Variants in FRMD3 observed in about 807,000 individuals in gnomAD.
FRMD3 encodes FERM domain containing 3, also known as FERM domain-containing protein 3.
A neutral mutation model predicts 70.2 loss-of-function variants in FRMD3; 33 were observed. The ratio of observed to expected loss-of-function variants is 0.47; its 90% CI spans 0.36 to 0.63. The LOEUF (loss-of-function observed/expected upper bound fraction) is 0.63. Among genes scored for constraint, FRMD3 ranks in the 20% least tolerant of loss-of-function variants. FRMD3 has a pLI of 0.00. For missense variants in FRMD3, 632 were observed against 711.4 expected, an observed-to-expected ratio of 0.89 and a Z score of 1.27; for synonymous variants, 279 against 255.9, an observed-to-expected ratio of 1.09 and a Z score of -0.86.
At chr9:83,579,562 G>A in the FRMD3 span, among the ~76,000 whole-genome samples, 1 of 151,954 alleles carries the variant, frequency 6.6e-6, no homozygotes, top group African/African-American at 2.4e-5. Flanking sequence ...AATGGTGCTG[G>A]GAAAACTAGA....
chr9:83,432,221 G>A (rs1827002254), intron 1 of FRMD3, among the ~76,000 whole-genome samples: 1 of 152,192 alleles, frequency 6.6e-6, no homozygotes, highest in Non-Finnish European at 1.5e-5. Flanking sequence ...CTTGTATGAT[G>A]ACAGGGAAGG....
At chr9:83,545,249 T>C in the FRMD3 span, among the ~76,000 whole-genome samples, 1 of 151,838 alleles carries the variant, frequency 6.6e-6, no homozygotes, top group Admixed American at 6.6e-5. Context: ...TTGAAAGCTT[T>C]AACAATAGAT....
intron 13 of FRMD3, among the ~76,000 whole-genome samples, chr9:83,272,676 G>A (rs2118823594): frequency 6.9e-6 from 1 of 145,050 alleles, no homozygotes; most frequent in East Asian, 2.1e-4. Context: ...CTGCCCGGCT[G>A]CCCAGTCTGG....
intron 1 of FRMD3, among the ~76,000 whole-genome samples, chr9:83,417,520 A>G (rs1826492024): frequency 6.6e-6 from 1 of 152,152 alleles, no homozygotes; most frequent in Non-Finnish European, 1.5e-5. Flanking sequence ...TGTTTCCTAT[A>G]TGGAAACAGT....
At chr9:83,463,298 AT>A (rs1828028006) in intron 1 of FRMD3, among the ~76,000 whole-genome samples, 1 of 152,228 alleles carries the variant, frequency 6.6e-6, no homozygotes, top group Non-Finnish European at 1.5e-5. Flanking sequence ...GTCTATTCTC[AT>A]GCTACTAATA....
chr9:83,275,493 C>G lies in FRMD3; in HGVS notation c.1195+15110G>C, dbSNP rs1214776189. Reference sequence around the variant, plus strand: ...AAGTCATTGCTCCAAGGCAGAAAGACCTCCTCCCCGACCTGCAGATGGGAC... The same window carrying G: ...AAGTCATTGCTCCAAGGCAGAAAGAGCTCCTCCCCGACCTGCAGATGGGAC... On this transcript the variant is annotated intron_variant, in intron 13 of 13. Transcript: ENST00000304195. Among the ~76,000 whole-genome samples the G allele has an allele frequency of 3.3e-5, 5 of 152,094 alleles. No homozygotes were observed. In the East Asian group the frequency reaches 9.6e-4, roughly 29 times the overall value.
At chr9:83,490,242 A>G (rs1445014800) in intron 1 of FRMD3, among the ~76,000 whole-genome samples, 4 of 152,176 alleles carry the variant, frequency 2.6e-5, no homozygotes, top group African/African-American at 9.7e-5. Flanking sequence ...GGAAAAACAA[A>G]CAGGCATTTT....
intron 1 of FRMD3, among the ~76,000 whole-genome samples, chr9:83,409,209 C>T (rs1826210464): frequency 6.6e-6 from 1 of 152,166 alleles, no homozygotes; most frequent in Non-Finnish European, 1.5e-5. Context: ...GTTAAAAGCA[C>T]ACAGTATCAA....
At chr9:83,304,587 T>C (rs1478712182) in intron 10 of FRMD3, among the ~76,000 whole-genome samples, 1 of 152,164 alleles carries the variant, frequency 6.6e-6, no homozygotes, top group African/African-American at 2.4e-5. Context: ...AAACTCTGAA[T>C]AAGAAATGTA....
intron 1 of FRMD3, among the ~76,000 whole-genome samples, chr9:83,440,709 T>A (rs1367782567): frequency 6.6e-6 from 1 of 152,236 alleles, no homozygotes; most frequent in Non-Finnish European, 1.5e-5. Context: ...GATTCCAATC[T>A]GAGCCTTGTG....
rs529490355 is a variant in FRMD3, at chr9:83,521,146, A to C, written c.147+16939T>G. Among the ~76,000 whole-genome samples the C allele has an allele frequency of 9.7e-4, 147 of 152,068 alleles. 1 individual carries two copies. Among genetic ancestry groups the C allele is most frequent in the African/African-American group, 3.4e-3 (141 of 41,458 alleles). ...AAGCACAAGACTCCATCTCAAAAAA[A>C]AAAGGAAAAGGTCTCCTAATTTCCT... On this transcript the variant is annotated intron_variant, in intron 1 of 13. Transcript: ENST00000304195.
At chr9:83,316,046 T>A (rs1365326081) in intron 6 of FRMD3, among the ~76,000 whole-genome samples, 1 of 152,166 alleles carries the variant, frequency 6.6e-6, no homozygotes, top group African/African-American at 2.4e-5. Flanking sequence ...GATCCAAAGA[T>A]GATATTTTCT....
At chr9:83,243,168 T>C, downstream of FRMD3, 1 of 1,549,322 alleles carries the variant, frequency 6.5e-7, no homozygotes, top group Non-Finnish European at 8.7e-7. Flanking sequence ...AAGTCTTGGC[T>C]GAGCTCACCA....
In FRMD3 at chr9:83,246,029, A is replaced by G. The variant is rs889047359; in HGVS notation, c.*1889T>C. 67 of 985,244 alleles carry G rather than the reference A, an allele frequency of 6.8e-5. No homozygotes were observed. Among genetic ancestry groups the G allele is most frequent in the Admixed American group, 3.1e-4 (5 of 16,258 alleles). 61.0% of individuals were successfully genotyped at this position (985,244 alleles called of 1,614,324 possible). A position where few individuals can be genotyped will look rare whatever the true frequency, so the allele number is the denominator to read the frequency against. On this transcript the variant is annotated 3_prime_UTR_variant, in exon 14 of 14. Coordinates refer to ENST00000304195, the MANE Select transcript of FRMD3 (RefSeq NM_174938.6). ...ACCCCTCAAACTTAATGGCAAATATATAGTCATTTGCTCGACTGCAGGCTT... is the reference window on the plus strand; with the variant it reads ...ACCCCTCAAACTTAATGGCAAATATGTAGTCATTTGCTCGACTGCAGGCTT...
At chr9:83,311,830 G>T in intron 8 of FRMD3, 57 bp downstream of exon 8, 2 of 1,213,494 alleles carry the variant, frequency 1.6e-6, no homozygotes, top group Non-Finnish European at 1.2e-6. Context: ...CCAAGGAGGG[G>T]ACGGAGGAAT....
intron 6 of FRMD3, among the ~76,000 whole-genome samples, chr9:83,321,451 A>G (rs1357937861): frequency 6.6e-6 from 1 of 152,130 alleles, no homozygotes; most frequent in Non-Finnish European, 1.5e-5. Flanking sequence ...ATCATTCAGG[A>G]GCATGCCGTT....
At chr9:83,325,215 A>T (rs1277024886) in intron 6 of FRMD3, among the ~76,000 whole-genome samples, 3 of 152,218 alleles carry the variant, frequency 2.0e-5, no homozygotes, top group Admixed American at 2.0e-4. Flanking sequence ...GGTACAATGT[A>T]CACTATTCCA....
Position 83,538,079 on chromosome 9 carries a change from G to T in FRMD3, c.147+6C>A. On this transcript the variant is annotated splice_donor_region_variant and intron_variant, in intron 1 of 13. Coordinates refer to ENST00000304195, the MANE Select transcript of FRMD3 (RefSeq NM_174938.6). This position sits in a 1 kb window ranked among gnomAD's most constrained non-coding sequence, Gnocchi z 4.7. ...GCCCCGCGCCCTCGCCCGGTTCCAC[G>T]CGCACCTGGATGTGGCAGGAGATCT... The T allele has an allele frequency of 6.2e-7, 1 of 1,611,578 alleles. No individual in the cohort carries two copies. The highest frequency in any genetic ancestry group is 2.2e-5 in the East Asian group (1 of 44,786).
chr9:83,480,576 A>G (rs959242701), intron 1 of FRMD3, among the ~76,000 whole-genome samples: 2 of 150,908 alleles, frequency 1.3e-5, no homozygotes, highest in African/African-American at 4.9e-5. Context: ...GCTCACCACA[A>G]CCTCCATCTC....
Sources: gnomAD v4.1 joint callset for allele counts (sites outside exome capture counted in the v4.1 genomes callset) on GRCh38, gnomAD v4.1.1 for gene constraint, Gnocchi (gnomAD v3.1) non-coding constraint, MANE v1.5 for transcripts, NCBI Gene and HGNC (gene_info 2026-07-23, HGNC 2026-07-21) for gene names.